KIAA1958: variants seen among roughly 807,000 people sequenced by gnomAD.
KIAA1958 encodes the protein uncharacterized protein KIAA1958.
In KIAA1958, 14 loss-of-function variants were observed where a neutral mutation model predicts 47.2. That is an observed-to-expected ratio of 0.30 (90% CI 0.20 to 0.46). KIAA1958 has a LOEUF of 0.46. KIAA1958 is among the 20% of genes least tolerant of loss of function. The pLI is 1.00. For missense variants in KIAA1958, 803 were observed against 909.2 expected (o/e 0.88, Z 1.50); for synonymous variants, 354 against 353.3 (o/e 1.00, Z -0.02).
chr9:112,515,892 A>AT (rs1486040799), intron 1 of KIAA1958, among the ~76,000 whole-genome samples: 161 of 47,738 alleles, frequency 3.4e-3, no homozygotes, highest in African/African-American at 9.4e-3. Context: ...AAAAAAATAA[A>AT]TTAAAAAAAA....
At chr9:112,623,523 G>A (rs1836547484) in intron 2 of KIAA1958, among the ~76,000 whole-genome samples, 2 of 152,164 alleles carry the variant, frequency 1.3e-5, no homozygotes, top group South Asian at 2.1e-4. Flanking sequence ...AATCCCAGGT[G>A]TACTAAAATC....
At chr9:112,535,597 C>T (rs547528277) in intron 1 of KIAA1958, among the ~76,000 whole-genome samples, 1 of 152,164 alleles carries the variant, frequency 6.6e-6, no homozygotes, top group South Asian at 2.1e-4. Flanking sequence ...GATATATGCC[C>T]AGAAGTAGAA....
intron 2 of KIAA1958, among the ~76,000 whole-genome samples, chr9:112,609,182 A>G (rs1473814762): frequency 6.6e-6 from 1 of 152,206 alleles, no homozygotes; most frequent in African/African-American, 2.4e-5. Context: ...CAATATAACT[A>G]TAAACTCTGT....
chr9:112,605,776 C>T (rs1836223213), intron 2 of KIAA1958, among the ~76,000 whole-genome samples: 1 of 152,150 alleles, frequency 6.6e-6, no homozygotes, highest in African/African-American at 2.4e-5. Context: ...TCTACTGCTC[C>T]TCCTTCTGCT....
chr9:112,629,357 T>C (rs749702356), intron 2 of KIAA1958, among the ~76,000 whole-genome samples: 1 of 152,212 alleles, frequency 6.6e-6, no homozygotes, highest in African/African-American at 2.4e-5. Flanking sequence ...ACTTGGCTTC[T>C]AACTGATTAA....
intron 1 of KIAA1958, among the ~76,000 whole-genome samples, chr9:112,536,533 C>G (rs1834858066): frequency 6.6e-6 from 1 of 152,024 alleles, no homozygotes; most frequent in African/African-American, 2.4e-5. Context: ...GTAAATAGAC[C>G]AATAGTACAG....
intron 1 of KIAA1958, among the ~76,000 whole-genome samples, chr9:112,568,076 G>A (rs1043369847): frequency 1.4e-4 from 21 of 150,350 alleles, no homozygotes; most frequent in African/African-American, 5.1e-4. Context: ...TAAAAACACA[G>A]CAGAACACTT....
At chr9:112,531,929 G>A (rs1834758316) in intron 1 of KIAA1958, among the ~76,000 whole-genome samples, 1 of 152,234 alleles carries the variant, frequency 6.6e-6, no homozygotes, top group African/African-American at 2.4e-5. Context: ...TAAAGCTCTT[G>A]GAGCAAAGCT....
chr9:112,593,481 A>G (rs1187216442), intron 2 of KIAA1958, among the ~76,000 whole-genome samples: 2 of 152,224 alleles, frequency 1.3e-5, no homozygotes, highest in Non-Finnish European at 2.9e-5. Context: ...AAAACTAACA[A>G]CATTTGAAAG....
At position 112,618,010 on chromosome 9, in the gene KIAA1958, T is replaced by C. The variant is rs1588042103; in HGVS notation, c.1172-27640T>C. 6.4e-7 allele frequency: 1 copy of C among 1,550,586 alleles called. No individual in the cohort carries two copies. ...AAACAAGAGAGATTTATGTCATCCC[T>C]TGCAAGGAGTTGGATGCCTACCTTG... is the stretch of plus-strand genomic sequence containing the variant. On this transcript the variant is annotated intron_variant, in intron 2 of 3. Coordinates refer to ENST00000337530, the MANE Select transcript of KIAA1958 (RefSeq NM_133465.4). This position sits in a 1 kb window ranked among gnomAD's most constrained non-coding sequence, Gnocchi z 7.1.
At chr9:112,576,074 C>T (rs566702389) in intron 2 of KIAA1958, among the ~76,000 whole-genome samples, 1 of 152,302 alleles carries the variant, frequency 6.6e-6, no homozygotes, top group African/African-American at 2.4e-5. Flanking sequence ...TTATTTCAGC[C>T]CTTCTCAAAA....
intron 2 of KIAA1958, among the ~76,000 whole-genome samples, chr9:112,643,568 C>A (rs2131241289): frequency 6.6e-6 from 1 of 152,286 alleles, no homozygotes; most frequent in East Asian, 1.9e-4. Context: ...GAGAAGTCTA[C>A]CTACAAGACA....
At chr9:112,508,225 T>G (rs1834263795) in intron 1 of KIAA1958, among the ~76,000 whole-genome samples, 2 of 152,300 alleles carry the variant, frequency 1.3e-5, no homozygotes, top group South Asian at 2.1e-4. Context: ...AGAGGAGAGA[T>G]TAACATGCTA....
At chr9:112,559,458 T>C (rs1273419947) in intron 1 of KIAA1958, among the ~76,000 whole-genome samples, 3 of 152,190 alleles carry the variant, frequency 2.0e-5, no homozygotes, top group Non-Finnish European at 4.4e-5. Context: ...ACAGCTCTGA[T>C]TGCTGCTGAG....
chr9:112,608,547 G>T (rs1471143273), intron 2 of KIAA1958, among the ~76,000 whole-genome samples: 1 of 152,180 alleles, frequency 6.6e-6, no homozygotes, highest in East Asian at 1.9e-4. Context: ...CCAGCACTTT[G>T]GGAGTCCAAG....
At chr9:112,623,084 T>C (rs1426012604) in intron 2 of KIAA1958, among the ~76,000 whole-genome samples, 1 of 152,234 alleles carries the variant, frequency 6.6e-6, no homozygotes, top group Non-Finnish European at 1.5e-5. Flanking sequence ...GAATACGTAA[T>C]TCTGCTTTGA....
intron 1 of KIAA1958, among the ~76,000 whole-genome samples, chr9:112,554,942 T>C (rs914765361): frequency 1.3e-5 from 2 of 152,084 alleles, no homozygotes; most frequent in African/African-American, 4.8e-5. Flanking sequence ...AGAGTTAAAA[T>C]CTGTGAGGAC....
intron 1 of KIAA1958, among the ~76,000 whole-genome samples, chr9:112,500,320 C>T (rs911653941): frequency 6.6e-6 from 1 of 152,126 alleles, no homozygotes; most frequent in African/African-American, 2.4e-5. Flanking sequence ...AGGCTGGTCT[C>T]GAACTCCTGA....
chr9:112,540,879 AT>A (rs934039357), intron 1 of KIAA1958, among the ~76,000 whole-genome samples: 3 of 150,956 alleles, frequency 2.0e-5, no homozygotes, highest in Admixed American at 6.6e-5. Flanking sequence ...CACCTGGATA[AT>A]TTTTTTTTAT....
Sources: gnomAD v4.1 joint callset for allele counts (sites outside exome capture counted in the v4.1 genomes callset) on GRCh38, gnomAD v4.1.1 for gene constraint, Gnocchi (gnomAD v3.1) non-coding constraint, MANE v1.5 for transcripts, NCBI Gene and HGNC (gene_info 2026-07-23, HGNC 2026-07-21) for gene names.